The following MOV10 variants were observed in gnomAD, a reference collection of about 807,000 sequenced individuals.
MOV10 encodes the protein Mov10 RNA helicase.
A neutral mutation model predicts 108.4 loss-of-function variants in MOV10; 39 were observed. The ratio of observed to expected loss-of-function variants is 0.36; its 90% CI spans 0.28 to 0.47. MOV10 has a LOEUF of 0.47. Among genes scored for constraint, MOV10 ranks in the 20% least tolerant of loss-of-function variants. MOV10 has a pLI of 1.00. For missense variants in MOV10, 952 were observed against 1,297.6 expected, an observed-to-expected ratio of 0.73 and a Z score of 4.09; for synonymous variants, 490 against 523.1, an observed-to-expected ratio of 0.94 and a Z score of 0.86.
chr1:112,699,426 G>A (rs1425135389), intron 17 of MOV10: 12 of 1,305,430 alleles, frequency 9.2e-6, no homozygotes, highest in Middle Eastern at 2.9e-4. Flanking sequence ...CTGAGTTCCC[G>A]TGTTCTTTGC....
At chr1:112,696,973 A>C in intron 14 of MOV10, 127 bp downstream of exon 14, 1 of 803,684 alleles carries the variant, frequency 1.2e-6, no homozygotes, top group Non-Finnish European at 2.0e-6. Context: ...GAAAGACTAA[A>C]CTGGAAGGCA....
rs1352017574 is a variant in MOV10 at position 112,674,897 on chromosome 1, C to T, written c.-16C>T. ...TTTCCACGGACCCTCCTGCCTGGGC[C>T]GCAGCCGCCGCCGCGATGCCCAGTA... On this transcript the variant is annotated 5_prime_UTR_variant, in exon 2 of 21. Coordinates refer to ENST00000369645, the MANE Select transcript of MOV10 (RefSeq NM_001321324.2). 1.9e-6 allele frequency: 3 copies of T among 1,552,032 alleles called. No homozygotes were observed. The highest frequency in any genetic ancestry group is 2.1e-5 in the Admixed American group (1 of 47,612).
In MOV10 at chr1:112,674,994, A is replaced by G. The variant is rs778301654; in HGVS notation, c.82A>G (p.Met28Val). Residue 28 changes from methionine (M) to valine (V), a missense_variant, in exon 2 of 21, where the codon ATG (methionine) becomes GTG (valine). Around this residue, in one of 5 missense-constraint regions of MOV10, gnomAD observed 374 missense variants for 468.6 expected, o/e 0.80. Coordinates refer to ENST00000369645, the MANE Select transcript of MOV10 (RefSeq NM_001321324.2). ...TTTCCTGGTCGTTCGGGGACTGGAC[A>G]TGGAGACAGATCGCGAGCGGCTGCG... is the stretch of plus-strand genomic sequence containing the variant. ...ESFLVVRGLD[M>V]ETDRERLRTI... 1.3e-6 allele frequency: 2 copies of G among 1,583,686 alleles called. No individual in the cohort carries two copies. The highest frequency in any genetic ancestry group is 1.8e-5 in the Admixed American group (1 of 56,558).
At chr1:112,691,639 T>C (rs1262916932) in intron 5 of MOV10, 26 bp from the exon 6 acceptor site, 1 of 1,607,606 alleles carries the variant, frequency 6.2e-7, no homozygotes, top group African/African-American at 1.3e-5. Flanking sequence ...AGGGGTTTTC[T>C]GTGTTTTCTT....
Position 112,689,900 on chromosome 1 carries a change from C to T in MOV10, c.638C>T (p.Thr213Ile), listed in dbSNP as rs1171485346. ...AGCTTTGTGGGCTACTTCCCAGCCACAGTGCTCTGGGAGCTGCTGGGACCT... is the reference window on the plus strand; with the variant it reads ...AGCTTTGTGGGCTACTTCCCAGCCATAGTGCTCTGGGAGCTGCTGGGACCT... ...KTSFVGYFPA[T>I]VLWELLGPGE... Residue 213 changes from threonine (T) to isoleucine (I), a missense_variant, in exon 5 of 21, where the codon ACA becomes ATA. Coordinates refer to ENST00000369645, the MANE Select transcript of MOV10 (RefSeq NM_001321324.2). The T allele has an allele frequency of 3.1e-6, 5 of 1,614,224 alleles. No individual in the cohort carries two copies. Among genetic ancestry groups the T allele is most frequent in the Non-Finnish European group, 4.2e-6 (5 of 1,180,030 alleles).
chr1:112,696,346 T>G (rs770581629), intron 12 of MOV10, 91 bp from the exon 13 acceptor site: 1 of 1,407,082 alleles, frequency 7.1e-7, no homozygotes, highest in Non-Finnish European at 1.0e-6. Context: ...CGGAGTGGGG[T>G]GGTGGGTGCT....
intron 2 of MOV10, 42 bp from the exon 3 acceptor site, chr1:112,688,893 C>A (rs931853087): frequency 1.2e-6 from 2 of 1,610,270 alleles, no homozygotes; most frequent in African/African-American, 2.7e-5. Flanking sequence ...CTCCCTCGAG[C>A]CCTGCCTTCC....
At chr1:112,680,609 T>TCC in intron 2 of MOV10, among the ~76,000 whole-genome samples, 2 of 142,900 alleles carry the variant, frequency 1.4e-5, no homozygotes, top group Non-Finnish European at 3.0e-5. Context: ...TGAGCCGAGA[T>TCC]TGTACCACTG....
At chr1:112,693,072 T>TGCCCAC in intron 7 of MOV10, 143 bp downstream of exon 7, 1 of 749,620 alleles carries the variant, frequency 1.3e-6, no homozygotes. Flanking sequence ...AGGGTGGGCA[T>TGCCCAC]CCTGTGCCCA....
intron 20 of MOV10, 27 bp from the exon 21 acceptor site, chr1:112,700,389 G>T (rs760901286): frequency 1.2e-6 from 2 of 1,613,834 alleles, no homozygotes; most frequent in Non-Finnish European, 1.7e-6. Context: ...TGGTAAGGAA[G>T]ACACAGTGTA....
Position 112,689,439 on chromosome 1 carries a change from T to C in MOV10, c.366T>C (p.His122=). 1 of 1,365,728 alleles carries C rather than the reference T, an allele frequency of 7.3e-7. No individual in the cohort carries two copies. The highest frequency in any genetic ancestry group is 9.8e-7 in the Non-Finnish European group (1 of 1,024,858). The allele number at this position is 1,365,728 out of a possible 1,614,324, so 84.6% of individuals were successfully genotyped here. The change falls in exon 4 of 21, where the codon CAT becomes CAC. Residue 122 remains histidine (H), a synonymous_variant. Transcript: ENST00000369645. ...GGGCTGAGTATCTTCATGGGAAACATGGTGTGGATGTGGAAGTCCAGGGGC... is the reference window on the plus strand; with the variant it reads ...GGGCTGAGTATCTTCATGGGAAACACGGTGTGGATGTGGAAGTCCAGGGGC... ...YDRAEYLHGK[H]GVDVEVQGPH... is the part of the protein sequence containing the mutation.
Position 112,694,931 on chromosome 1 carries a change from T to A in MOV10, c.1620+35T>A, listed in dbSNP as rs374111997. On this transcript the variant is annotated intron_variant, in intron 10 of 20. Transcript: ENST00000369645. This position sits in a 1 kb window ranked among gnomAD's most constrained non-coding sequence, Gnocchi z 4.1. ...GAGCACAAACCTGGGGCCTGCACTC[T>A]GATTCCCCCAGCACCAAGCAGTTGT... 1.3e-6 allele frequency: 2 copies of A among 1,597,764 alleles called. No homozygotes were observed. The highest frequency in any genetic ancestry group is 1.7e-6 in the Non-Finnish European group (2 of 1,169,140).
At chr1:112,688,300 C>A in intron 2 of MOV10, 4 of 973,938 alleles carry the variant, frequency 4.1e-6, no homozygotes, top group Non-Finnish European at 3.7e-6. Context: ...TCCTTCTGAC[C>A]AGTTTTCCCT....
intron 10 of MOV10, among the ~76,000 whole-genome samples, 198 bp from the exon 11 acceptor site, chr1:112,695,218 T>TA (rs1673961729): frequency 6.6e-6 from 1 of 152,042 alleles, no homozygotes. Flanking sequence ...AGACTCTGTC[T>TA]CAAAAAAAAG....
chr1:112,699,858 C>A (rs747469078), intron 18 of MOV10, 36 bp from the exon 19 acceptor site: 5 of 1,614,046 alleles, frequency 3.1e-6, no homozygotes, highest in Non-Finnish European at 4.2e-6. Flanking sequence ...TCTCGGGGCT[C>A]TTCCCTCCCA....
At chr1:112,688,756 A>G in intron 2 of MOV10, 179 bp from the exon 3 acceptor site, 2 of 1,441,696 alleles carry the variant, frequency 1.4e-6, no homozygotes, top group Non-Finnish European at 1.8e-6. Flanking sequence ...TTCCCTGAAA[A>G]CATTAAACAT....
intron 16 of MOV10, 91 bp from the exon 17 acceptor site, chr1:112,698,624 C>T (rs1275881709): frequency 1.4e-6 from 2 of 1,480,836 alleles, no homozygotes; most frequent in Non-Finnish European, 1.9e-6. Flanking sequence ...CTGCCGCCTC[C>T]CTTTGTTCCC....
Position 112,689,906 on chromosome 1 carries a change from T to C in MOV10, c.644T>C (p.Leu215Pro). 1 of 1,614,192 alleles carries C rather than the reference T, an allele frequency of 6.2e-7. No individual in the cohort carries two copies. Among genetic ancestry groups the C allele is most frequent in the Non-Finnish European group, 8.5e-7 (1 of 1,180,028 alleles). The change falls in exon 5 of 21, where the codon CTC becomes CCC. Residue 215 changes from leucine (L) to proline (P), a missense_variant. Around this residue, in one of 5 missense-constraint regions of MOV10, gnomAD observed 374 missense variants for 468.6 expected, o/e 0.80. Transcript: ENST00000369645. ...GTGGGCTACTTCCCAGCCACAGTGCTCTGGGAGCTGCTGGGACCTGGGGAG... is the reference window on the plus strand; with the variant it reads ...GTGGGCTACTTCCCAGCCACAGTGCCCTGGGAGCTGCTGGGACCTGGGGAG... Reference protein sequence around the residue: ...SFVGYFPATVLWELLGPGESG... With the variant: ...SFVGYFPATVPWELLGPGESG...
At chr1:112,698,199 G>A in intron 15 of MOV10, 88 bp downstream of exon 15, 3 of 1,599,322 alleles carry the variant, frequency 1.9e-6, no homozygotes, top group Admixed American at 1.7e-5. Flanking sequence ...CCTTGGCCTA[G>A]GATCTCTTAC....
Sources: allele counts gnomAD v4.1 joint callset (sites outside exome capture counted in the v4.1 genomes callset), GRCh38; gene constraint gnomAD v4.1.1; regional missense constraint gnomAD v4.1.1; non-coding constraint Gnocchi (gnomAD v3.1); transcripts MANE v1.5; gene names NCBI Gene and HGNC (gene_info 2026-07-23, HGNC 2026-07-21).